TM9SF2: variants seen among roughly 807,000 people sequenced by gnomAD.
TM9SF2 encodes 76 kDa membrane protein.
TM9SF2 carries 13 observed loss-of-function variants against 84.9 expected under a neutral mutation model. That is an observed-to-expected ratio of 0.15 (90% CI 0.10 to 0.24). The LOEUF (loss-of-function observed/expected upper bound fraction) is 0.24, where lower values mean the gene tolerates loss of function less well. Among genes scored for constraint, TM9SF2 ranks in the 10% least tolerant of loss-of-function variants. TM9SF2 has a pLI of 1.00. For missense variants in TM9SF2, 562 were observed against 818.5 expected, an observed-to-expected ratio of 0.69 and a Z score of 3.82; for synonymous variants, 273 against 285.8, an observed-to-expected ratio of 0.96 and a Z score of 0.45.
intron 1 of TM9SF2, among the ~76,000 whole-genome samples, chr13:99,511,923 T>TA (rs919378535): frequency 2.0e-5 from 3 of 152,232 alleles, no homozygotes; most frequent in African/African-American, 7.2e-5. Flanking sequence ...TTCCTCGTGT[T>TA]AAAGAAGCAA....
rs536323530 is a variant in TM9SF2 at position 99,548,256 on chromosome 13, C to T, written c.1271-909C>T. ...CCTCCCCATCCTTCAGGTCTCCCAG[C>T]TGCAGATCCTGTATTACTTGAATTT... is the stretch of plus-strand genomic sequence containing the variant. On this transcript the variant is annotated intron_variant, in intron 11 of 16. Coordinates refer to ENST00000376387, the MANE Select transcript of TM9SF2 (RefSeq NM_004800.3). Among the ~76,000 whole-genome samples the T allele has an allele frequency of 2.2e-4, 33 of 152,250 alleles. No homozygotes were observed. In the South Asian group the frequency reaches 4.6e-3, roughly 21 times the overall value.
At chr13:99,533,666 T>C (rs2046220886) in intron 4 of TM9SF2, among the ~76,000 whole-genome samples, 2 of 152,248 alleles carry the variant, frequency 1.3e-5, no homozygotes, top group South Asian at 4.1e-4. Context: ...TTTTTATTTG[T>C]TGTTGTTGTT....
At chr13:99,541,181 A>G (rs766751116) in intron 8 of TM9SF2, among the ~76,000 whole-genome samples, 6 of 152,120 alleles carry the variant, frequency 3.9e-5, no homozygotes, top group Admixed American at 1.3e-4. Context: ...TCCTTTTCCT[A>G]TTGCTGTCTG....
chr13:99,519,123 G>A (rs1356863997), intron 2 of TM9SF2, among the ~76,000 whole-genome samples: 1 of 152,100 alleles, frequency 6.6e-6, no homozygotes. Context: ...GTATGTCTAA[G>A]AAAAGAATAC....
intron 2 of TM9SF2, among the ~76,000 whole-genome samples, chr13:99,519,012 T>G (rs1424182443): frequency 2.0e-5 from 3 of 152,126 alleles, no homozygotes; most frequent in Non-Finnish European, 4.4e-5. Context: ...AAATTTAGTT[T>G]AATTTCTCAG....
At chr13:99,537,915 A>G (rs1398569306) in intron 6 of TM9SF2, 52 bp downstream of exon 6, 3 of 1,558,810 alleles carry the variant, frequency 1.9e-6, no homozygotes, top group Non-Finnish European at 2.6e-6. Flanking sequence ...ATTTAGACCC[A>G]AAGAATAAGT....
At chr13:99,544,069 T>C (rs771291837) in intron 10 of TM9SF2, 74 bp downstream of exon 10, 11 of 1,542,774 alleles carry the variant, frequency 7.1e-6, no homozygotes, top group Non-Finnish European at 9.7e-6. Flanking sequence ...CCAGTTTTTC[T>C]GGCCGGGCAT....
chr13:99,547,177 A>G (rs2046286440), intron 11 of TM9SF2, 73 bp downstream of exon 11: 7 of 1,586,662 alleles, frequency 4.4e-6, no homozygotes, highest in African/African-American at 2.7e-5. Flanking sequence ...TGACCTGGGT[A>G]TCAGATGGTG....
chr13:99,532,442 C>T (rs12872346), intron 4 of TM9SF2, among the ~76,000 whole-genome samples: 111,306 of 151,846 alleles, frequency 0.73, 41,785 homozygotes, highest in Middle Eastern at 0.84. Flanking sequence ...ATAATCCCAG[C>T]ATTTTGGGAG....
Position 99,562,941 on chromosome 13 carries a change from T to C in TM9SF2, c.*183T>C. The C allele has an allele frequency of 1.9e-6, 1 of 520,432 alleles. No individual in the cohort carries two copies. Among genetic ancestry groups the C allele is most frequent in the Non-Finnish European group, 3.4e-6 (1 of 297,352 alleles). The allele number at this position is 520,432 out of a possible 1,614,324, so 32.2% of individuals were successfully genotyped here. Reference sequence around the variant, plus strand: ...CCCATAAGATGTGTCTTCAACACTATAAAGCATTTGTATTGTGATTTGATT... The same window carrying C: ...CCCATAAGATGTGTCTTCAACACTACAAAGCATTTGTATTGTGATTTGATT... On this transcript the variant is annotated 3_prime_UTR_variant, in exon 17 of 17. Coordinates refer to ENST00000376387, the MANE Select transcript of TM9SF2 (RefSeq NM_004800.3).
chr13:99,552,458 T>A, intron 13 of TM9SF2, 132 bp downstream of exon 13: 3 of 956,950 alleles, frequency 3.1e-6, no homozygotes, highest in Non-Finnish European at 4.5e-6. Context: ...CATAGAATAT[T>A]TTTAAAATAG....
At chr13:99,517,201 A>C (rs946112307) in intron 1 of TM9SF2, among the ~76,000 whole-genome samples, 2 of 152,010 alleles carry the variant, frequency 1.3e-5, no homozygotes, top group African/African-American at 4.8e-5. Context: ...GTAACTTCAA[A>C]CTCCTGGGCT....
chr13:99,537,742 G>T lies in TM9SF2; in HGVS notation c.595G>T (p.Asp199Tyr), dbSNP rs1468286459. 10 of 1,602,514 alleles carry T rather than the reference G, an allele frequency of 6.2e-6. No homozygotes were observed. Among genetic ancestry groups the T allele is most frequent in the Non-Finnish European group, 7.6e-6 (9 of 1,177,536 alleles). ...ACTTTTAAGTTCTGTTCTGCAGTCA[G>T]ATTTCCATGAAAGAGATACATTTTA... ...HAKDACVISS[D>Y]FHERDTFYIF... Residue 199 changes from aspartate (D) to tyrosine (Y), a missense_variant, in exon 6 of 17, where the codon GAT (aspartate) becomes TAT (tyrosine). Physicochemically the swap from Asp to Tyr is radical, Grantham distance 160. Transcript: ENST00000376387.
At chr13:99,556,700 C>T (rs955952738) in intron 15 of TM9SF2, among the ~76,000 whole-genome samples, 2 of 151,994 alleles carry the variant, frequency 1.3e-5, no homozygotes, top group African/African-American at 4.8e-5. Context: ...TCTCCTGCCT[C>T]AGCCTCCTGA....
chr13:99,510,454 T>C, intron 1 of TM9SF2, among the ~76,000 whole-genome samples: 1 of 152,226 alleles, frequency 6.6e-6, no homozygotes, highest in East Asian at 1.9e-4. Flanking sequence ...AGAGGTTTAA[T>C]TGGCTCACGA....
chr13:99,516,339 G>A (rs2139076093), intron 1 of TM9SF2, among the ~76,000 whole-genome samples: 1 of 152,324 alleles, frequency 6.6e-6, no homozygotes, highest in Non-Finnish European at 1.5e-5. Flanking sequence ...AAATCAAAAT[G>A]ACAAGTGTGG....
At chr13:99,525,426 G>A (rs2046178570) in intron 3 of TM9SF2, among the ~76,000 whole-genome samples, 1 of 152,072 alleles carries the variant, frequency 6.6e-6, no homozygotes, top group South Asian at 2.1e-4. Context: ...ATTTTTAGTA[G>A]GGACAGGGCT....
At chr13:99,561,052 T>C (rs8002660) in intron 16 of TM9SF2, among the ~76,000 whole-genome samples, 3,765 of 152,322 alleles carry the variant, frequency 0.025, 157 homozygotes, top group African/African-American at 0.086. Context: ...TATGGAGTCA[T>C]ATCAAATGGA....
rs1339801543 is a variant in TM9SF2 at position 99,552,246 on chromosome 13, C to T, written c.1408C>T (p.Leu470=). ...TTCAGCAGCTATTCCTTTTGGGACA[C>T]TGGTTGCCATATTGGCCCTTTGGTT... The part of the protein sequence containing the change: ...GSSAAIPFGT[L]VAILALWFCI... The change falls in exon 13 of 17, where the codon CTG becomes TTG. Residue 470 remains leucine, a synonymous_variant. Coordinates refer to ENST00000376387, the MANE Select transcript of TM9SF2 (RefSeq NM_004800.3). 1.2e-6 allele frequency: 2 copies of T among 1,614,166 alleles called. No homozygotes were observed. The highest frequency in any genetic ancestry group is 2.2e-5 in the East Asian group (1 of 44,876).
Sources: gnomAD v4.1 joint callset for allele counts (sites outside exome capture counted in the v4.1 genomes callset) on GRCh38, gnomAD v4.1.1 for gene constraint, MANE v1.5 for transcripts, NCBI Gene and HGNC (gene_info 2026-07-23, HGNC 2026-07-21) for gene names.